Variants in RASGRF1 observed in about 807,000 individuals in gnomAD.
RASGRF1 encodes ras-specific guanine nucleotide-releasing factor 1.
RASGRF1 carries 40 observed loss-of-function variants against 138.7 expected under a neutral mutation model. That is an observed-to-expected ratio of 0.29 (90% CI 0.22 to 0.38). The LOEUF (loss-of-function observed/expected upper bound fraction) is 0.38, where lower values mean the gene tolerates loss of function less well. Among genes scored for constraint, RASGRF1 ranks in the 10% least tolerant of loss-of-function variants. RASGRF1 has a pLI of 1.00. For missense variants in RASGRF1, 1,108 were observed against 1,650.4 expected, an observed-to-expected ratio of 0.67 and a Z score of 5.69; for synonymous variants, 614 against 663.2, an observed-to-expected ratio of 0.93 and a Z score of 1.14.
chr15:79,065,771 C>T (rs568278182), intron 1 of RASGRF1, among the ~76,000 whole-genome samples: 7 of 152,126 alleles, frequency 4.6e-5, no homozygotes, highest in South Asian at 4.2e-4. Context: ...AGAGGGTGCC[C>T]GTCCCTCCAT....
Position 78,999,918 on chromosome 15 carries a change from A to G in RASGRF1, c.2576-5T>C. 2 of 1,613,418 alleles carry G rather than the reference A, an allele frequency of 1.2e-6. No homozygotes were observed. Among genetic ancestry groups the G allele is most frequent in the Non-Finnish European group, 1.7e-6 (2 of 1,179,388 alleles). On this transcript the variant is annotated splice_region_variant and splice_polypyrimidine_tract_variant and intron_variant, in intron 16 of 26. Transcript: ENST00000558480. Reference sequence around the variant, plus strand: ...TATAGGAAAAGAGTGGGAACTCTGCAGAGAGGAGGGAACCAACCCTCAGCT... The same window carrying G: ...TATAGGAAAAGAGTGGGAACTCTGCGGAGAGGAGGGAACCAACCCTCAGCT...
At chr15:78,983,117 A>G (rs2056071964) in intron 23 of RASGRF1, among the ~76,000 whole-genome samples, 1 of 152,188 alleles carries the variant, frequency 6.6e-6, no homozygotes, top group African/African-American at 2.4e-5. Flanking sequence ...TCCAGTGTCC[A>G]TGGGACGCCT....
chr15:79,052,040 T>G (rs1344679099), intron 3 of RASGRF1, among the ~76,000 whole-genome samples: 1 of 152,180 alleles, frequency 6.6e-6, no homozygotes, highest in Non-Finnish European at 1.5e-5. Flanking sequence ...TTGACCCTCG[T>G]GAATTACAGC....
rs751460657 is a variant in RASGRF1 at position 79,006,205 on chromosome 15, T to C, written c.2056A>G (p.Ile686Val). The change falls in exon 14 of 27, where the codon ATC becomes GTC. Residue 686 changes from isoleucine to valine, a missense_variant. Around this residue, in one of 3 missense-constraint regions of RASGRF1, gnomAD observed 686 missense variants for 976.7 expected, o/e 0.70. Transcript: ENST00000558480. This position sits in a 1 kb window ranked among gnomAD's most constrained non-coding sequence, Gnocchi z 4.0. ...AGCCACCTGGCAGGAATGGCACTGA[T>C]AGGCTTCTTGTAGATGGTAATGAGC... Reference protein sequence around the residue: ...DKLITIYKKPISAIPARSLEL... With the variant: ...DKLITIYKKPVSAIPARSLEL... 2 of 1,614,184 alleles carry C rather than the reference T, an allele frequency of 1.2e-6. No individual in the cohort carries two copies. Among genetic ancestry groups the C allele is most frequent in the African/African-American group, 1.3e-5 (1 of 75,032 alleles).
chr15:78,985,173 C>A lies in RASGRF1; in HGVS notation c.3248G>T (p.Arg1083Leu), dbSNP rs749462256. 8 of 1,611,844 alleles carry A rather than the reference C, an allele frequency of 5.0e-6. No individual in the cohort carries two copies. Among genetic ancestry groups the A allele is most frequent in the East Asian group, 2.2e-5 (1 of 44,866 alleles). The part of the protein sequence containing the change: ...ISNLIASEII[R>L]NEDINARVSA... The stretch of plus-strand genomic sequence containing the variant: ...CACCCTGGCGTTGATGTCCTCATTG[C>A]GGATGATTTCTGAAGCAATCAAGTT... Residue 1083 changes from arginine to leucine, a missense_variant, in exon 23 of 27, where the codon CGC (arginine) becomes CTC (leucine). Physicochemically the swap from Arg to Leu is moderately radical, Grantham distance 102. Transcript: ENST00000558480.
intron 3 of RASGRF1, among the ~76,000 whole-genome samples, chr15:79,049,790 G>A (rs1264801676): frequency 7.2e-5 from 11 of 152,050 alleles, no homozygotes; most frequent in East Asian, 3.9e-4. Context: ...TGTGAGAAGC[G>A]CTGCACGGGG....
At position 79,060,869 on chromosome 15, in the gene RASGRF1, G is replaced by A. The variant is rs1161196652; in HGVS notation, c.384-2388C>T. On this transcript the variant is annotated intron_variant, in intron 2 of 26. Coordinates refer to ENST00000558480, the MANE Select transcript of RASGRF1 (RefSeq NM_001145648.3). ...GTGCATGGCCTGCCTGGCATGCACC[G>A]TTGCACAGTTGCCCTGCAGGGCTTC... Among the ~76,000 whole-genome samples, 7 of 152,250 alleles carry A rather than the reference G, an allele frequency of 4.6e-5. No homozygotes were observed. In the East Asian group the frequency reaches 5.8e-4, roughly 13 times the overall value.
intron 13 of RASGRF1, among the ~76,000 whole-genome samples, chr15:79,013,849 T>A (rs1174159800): frequency 6.6e-6 from 1 of 152,210 alleles, no homozygotes; most frequent in Non-Finnish European, 1.5e-5. Flanking sequence ...TGGGGATTGT[T>A]CAAACAAACA....
chr15:79,085,579 G>T (rs1390179986), intron 1 of RASGRF1, among the ~76,000 whole-genome samples: 1 of 152,186 alleles, frequency 6.6e-6, no homozygotes, highest in Non-Finnish European at 1.5e-5. Context: ...GGTTGAATGT[G>T]CTATAACTCC....
At chr15:78,992,772 T>C (rs1166098782) in intron 20 of RASGRF1, among the ~76,000 whole-genome samples, 2 of 152,176 alleles carry the variant, frequency 1.3e-5, no homozygotes. Flanking sequence ...GCTGAGCACC[T>C]GCAAGCAGCC....
chr15:79,044,296 TTCCTCC>T (rs890049055), intron 5 of RASGRF1, among the ~76,000 whole-genome samples: 18 of 152,266 alleles, frequency 1.2e-4, no homozygotes, highest in African/African-American at 3.8e-4. Flanking sequence ...GGAAAGTTCT[TTCCTCC>T]TCCTCCTCCT....
chr15:79,061,737 T>C (rs770160731), intron 2 of RASGRF1, among the ~76,000 whole-genome samples: 18 of 152,216 alleles, frequency 1.2e-4, no homozygotes, highest in Admixed American at 9.2e-4. Flanking sequence ...TCCACCAGGT[T>C]GCATGCATTT....
At chr15:78,981,221 A>T (rs550404023) in intron 23 of RASGRF1, 1 of 152,236 alleles carries the variant, frequency 6.6e-6, no homozygotes, top group African/African-American at 2.4e-5. Context: ...GGAGAAGAGG[A>T]AGCTCCACAG....
intron 5 of RASGRF1, among the ~76,000 whole-genome samples, chr15:79,036,027 C>A (rs543201952): frequency 2.6e-5 from 4 of 152,228 alleles, no homozygotes; most frequent in East Asian, 1.9e-4. Flanking sequence ...GGCCTTCCCC[C>A]CAACCCGTTT....
chr15:79,025,469 G>A lies in RASGRF1; in HGVS notation c.1387C>T (p.Leu463Phe). 6.2e-7 allele frequency: 1 copy of A among 1,612,170 alleles called. No individual in the cohort carries two copies. Among genetic ancestry groups the A allele is most frequent in the Non-Finnish European group, 8.5e-7 (1 of 1,178,936 alleles). The change falls in exon 10 of 27, where the codon CTC (leucine) becomes TTC (phenylalanine). Residue 463 changes from leucine (L) to phenylalanine (F), a missense_variant. Physicochemically the swap from Leu to Phe is conservative, Grantham distance 22. Around this residue, in one of 3 missense-constraint regions of RASGRF1, gnomAD observed 169 missense variants for 344.2 expected, o/e 0.49. Coordinates refer to ENST00000558480, the MANE Select transcript of RASGRF1 (RefSeq NM_001145648.3). ...TTTTCAGACATGGGCACCTGAATGA[G>A]GGAACCTGTGGGTGGAGGAGAGAGA... The part of the protein sequence containing the change: ...TSQTFVRQGS[L>F]IQVPMSEKGK...
At chr15:79,069,660 A>G (rs1476785250) in intron 1 of RASGRF1, among the ~76,000 whole-genome samples, 1 of 152,182 alleles carries the variant, frequency 6.6e-6, no homozygotes, top group Non-Finnish European at 1.5e-5. Flanking sequence ...AGAATAGTAA[A>G]GACTATAAAT....
intron 24 of RASGRF1, among the ~76,000 whole-genome samples, chr15:78,976,025 G>A (rs2055863280): frequency 6.6e-6 from 1 of 152,300 alleles, no homozygotes; most frequent in South Asian, 2.1e-4. Context: ...AAGGATGGAA[G>A]GGAGAACGGG....
Position 79,032,414 on chromosome 15 carries a change from G to A in RASGRF1, c.959-98C>T, listed in dbSNP as rs200608525. ...CCCCAGCTACACCCAGAGAGGCCAG[G>A]GGCCAGGTTCAAGTTCCCCACCCCA... On this transcript the variant is annotated intron_variant, in intron 6 of 26. Transcript: ENST00000558480. The surrounding 1 kb of genome is among the most constrained non-coding windows in gnomAD (Gnocchi z 4.5). 2.0e-5 allele frequency: 25 copies of A among 1,245,582 alleles called. No individual in the cohort carries two copies. The East Asian group carries it at 5.1e-4, about 25-fold the overall frequency. 77.2% of individuals were successfully genotyped at this position (1,245,582 alleles called of 1,614,324 possible). A position where few individuals can be genotyped will look rare whatever the true frequency, so the allele number is the denominator to read the frequency against.
At chr15:79,051,031 C>T (rs1312243834) in intron 3 of RASGRF1, among the ~76,000 whole-genome samples, 2 of 152,180 alleles carry the variant, frequency 1.3e-5, no homozygotes, top group Non-Finnish European at 2.9e-5. Flanking sequence ...ATCAGAGCAA[C>T]AGCAGCAACA....
Sources: gnomAD v4.1 joint callset for allele counts (sites outside exome capture counted in the v4.1 genomes callset) on GRCh38, gnomAD v4.1.1 for gene constraint, gnomAD v4.1.1 regional missense constraint, Gnocchi (gnomAD v3.1) non-coding constraint, MANE v1.5 for transcripts, NCBI Gene and HGNC (gene_info 2026-07-23, HGNC 2026-07-21) for gene names.